Variants in STARD13 observed in about 807,000 individuals in gnomAD.
STARD13 encodes StAR related lipid transfer domain containing 13.
STARD13 carries 62 observed loss-of-function variants against 106.4 expected under a neutral mutation model. The ratio of observed to expected loss-of-function variants is 0.58; its 90% CI spans 0.48 to 0.72. The LOEUF is 0.72. Ranked by LOEUF, STARD13 falls within the 30% of genes least tolerant of loss-of-function variation. STARD13 has a pLI of 0.00. For synonymous variants in STARD13, 565 were observed against 553.0 expected, an observed-to-expected ratio of 1.02 and a Z score of -0.31; for missense variants, 1,387 against 1,424.0, an observed-to-expected ratio of 0.97 and a Z score of 0.42.
chr13:33,427,419 C>T, the STARD13 span, among the ~76,000 whole-genome samples: 3 of 152,100 alleles, frequency 2.0e-5, no homozygotes, highest in Non-Finnish European at 4.4e-5. Context: ...ACCAATAATC[C>T]CTACAAATAT....
At chr13:33,264,502 G>A (rs1220446164) in intron 1 of STARD13, among the ~76,000 whole-genome samples, 3 of 152,192 alleles carry the variant, frequency 2.0e-5, no homozygotes, top group Non-Finnish European at 4.4e-5. Context: ...TTAGGGTCAC[G>A]TATTTCATCA....
At chr13:33,492,754 CTCTG>C in the STARD13 span, among the ~76,000 whole-genome samples, 3 of 152,222 alleles carry the variant, frequency 2.0e-5, no homozygotes, top group Admixed American at 2.0e-4. Context: ...CTTGGGGCTG[CTCTG>C]TCTATGGACT....
rs187096545 is a variant in STARD13 at position 33,260,637 on chromosome 13, G to A, written c.169+24833C>T. ...CCTTTGAACAGCTGTTACCCAATCCGTTCATTCAGAGCCTTTCATGTACAT... is the reference window on the plus strand; with the variant it reads ...CCTTTGAACAGCTGTTACCCAATCCATTCATTCAGAGCCTTTCATGTACAT... On this transcript the variant is annotated intron_variant, in intron 1 of 13. Transcript: ENST00000336934. 5.3e-5 allele frequency among the ~76,000 whole-genome samples: 8 copies of A among 152,260 alleles called. No individual in the cohort carries two copies. In the East Asian group the frequency reaches 1.5e-3, roughly 29 times the overall value.
chr13:33,190,640 G>A (rs1886189166), intron 1 of STARD13, among the ~76,000 whole-genome samples: 1 of 147,576 alleles, frequency 6.8e-6, no homozygotes, highest in African/African-American at 2.5e-5. Flanking sequence ...AGGCTGGAGT[G>A]CAATGGCACA....
chr13:33,499,606 T>TTC, the STARD13 span, among the ~76,000 whole-genome samples: 8 of 56,744 alleles, frequency 1.4e-4, 1 homozygote, highest in African/African-American at 4.1e-4. Flanking sequence ...TCTTCTTCTT[T>TTC]CTTCTTCTTC....
intron 1 of STARD13, among the ~76,000 whole-genome samples, chr13:33,260,791 A>G (rs1170360205): frequency 2.0e-5 from 3 of 152,260 alleles, no homozygotes; most frequent in Non-Finnish European, 4.4e-5. Context: ...CTGTAGTGTA[A>G]TATCTTAATA....
chr13:33,509,098 T>C, the STARD13 span, among the ~76,000 whole-genome samples: 1 of 152,230 alleles, frequency 6.6e-6, no homozygotes, highest in Non-Finnish European at 1.5e-5. Flanking sequence ...AACATCATTA[T>C]GCAATGCATG....
At position 33,285,686 on chromosome 13, in the gene STARD13, G is replaced by A. The variant is rs1892025426; in HGVS notation, c.-48C>T. 1.9e-6 allele frequency: 3 copies of A among 1,602,180 alleles called. No homozygotes were observed. The highest frequency in any genetic ancestry group is 3.4e-5 in the Admixed American group (2 of 59,528). On this transcript the variant is annotated 5_prime_UTR_variant, in exon 1 of 14. It adds an upstream start codon to the 5' untranslated region. Transcript: ENST00000336934. ...CCTCAGTCTGCCTGTGGCTGTTGCC[G>A]TCTGTCTCCAGTCTCAGTCAAAGAG...
chr13:33,235,114 T>G (rs553896386), intron 1 of STARD13, among the ~76,000 whole-genome samples: 12 of 152,318 alleles, frequency 7.9e-5, no homozygotes, highest in Admixed American at 2.6e-4. Context: ...TCCCCAAATG[T>G]GCACCAGGGC....
intron 3 of STARD13, among the ~76,000 whole-genome samples, chr13:33,143,704 C>T (rs1880153199): frequency 6.6e-6 from 1 of 152,170 alleles, no homozygotes; most frequent in Admixed American, 6.5e-5. Flanking sequence ...CAGGTGCACA[C>T]CACCACACAG....
At chr13:33,149,399 TC>T (rs1219750587) in intron 3 of STARD13, among the ~76,000 whole-genome samples, 1 of 152,236 alleles carries the variant, frequency 6.6e-6, no homozygotes, top group Non-Finnish European at 1.5e-5. Flanking sequence ...AAAAATGAAG[TC>T]TTTTTTTATT....
the STARD13 span, among the ~76,000 whole-genome samples, chr13:33,499,607 CTTCTTCTTCTTCTTCTT>C: frequency 1.3e-4 from 8 of 59,728 alleles, 1 homozygote; most frequent in African/African-American, 3.9e-4. Flanking sequence ...CTTCTTCTTT[CTTCTTCTTCTTCTTCTT>C]CTTCTTCTTC....
the STARD13 span, among the ~76,000 whole-genome samples, chr13:33,488,528 C>T: frequency 2.2e-4 from 33 of 152,164 alleles, no homozygotes; most frequent in South Asian, 6.9e-3. Context: ...CCCAATTGCC[C>T]CTCGAGAATA....
chr13:33,358,166 A>G, the STARD13 span, among the ~76,000 whole-genome samples: 13 of 152,028 alleles, frequency 8.6e-5, no homozygotes, highest in South Asian at 8.3e-4. Flanking sequence ...CAGCAGTGCC[A>G]GCCCACCAGT....
At chr13:33,425,215 T>C in the STARD13 span, among the ~76,000 whole-genome samples, 1 of 152,204 alleles carries the variant, frequency 6.6e-6, no homozygotes, top group African/African-American at 2.4e-5. Flanking sequence ...CATGAATGCC[T>C]TGCCTCTGCC....
chr13:33,659,236 T>TTTTTTTTA, the STARD13 span, among the ~76,000 whole-genome samples: 3 of 138,554 alleles, frequency 2.2e-5, no homozygotes, highest in African/African-American at 2.6e-5. Context: ...TTTTTTTTTT[T>TTTTTTTTA]ATGAAGTCTT....
At chr13:33,217,281 A>G (rs1158840969) in intron 1 of STARD13, among the ~76,000 whole-genome samples, 1 of 152,190 alleles carries the variant, frequency 6.6e-6, no homozygotes, top group African/African-American at 2.4e-5. Flanking sequence ...GCATGTGCCA[A>G]CTAAGTACTG....
At chr13:33,481,937 C>G in the STARD13 span, among the ~76,000 whole-genome samples, 1 of 149,060 alleles carries the variant, frequency 6.7e-6, no homozygotes, top group African/African-American at 2.5e-5. Context: ...GAGCCGAGAT[C>G]GCGCCACTAC....
intron 3 of STARD13, among the ~76,000 whole-genome samples, chr13:33,146,744 T>C (rs543231739): frequency 1.3e-5 from 2 of 152,308 alleles, no homozygotes; most frequent in South Asian, 4.1e-4. Flanking sequence ...TGTAAATTGA[T>C]ATGGGCTTCC....
Sources: gnomAD v4.1 joint callset for allele counts (sites outside exome capture counted in the v4.1 genomes callset) on GRCh38, gnomAD v4.1.1 for gene constraint, MANE v1.5 for transcripts, NCBI Gene and HGNC (gene_info 2026-07-23, HGNC 2026-07-21) for gene names.